The following NUBPL variants were observed in gnomAD, a reference collection of about 807,000 sequenced individuals.
The protein encoded by NUBPL is NUBP iron-sulfur cluster assembly factor, mitochondrial.
A neutral mutation model predicts 45.7 loss-of-function variants in NUBPL; 31 were observed. The observed-to-expected ratio is 0.68, with a 90% CI of 0.51 to 0.92. The LOEUF is 0.92. NUBPL is among the 40% of genes least tolerant of loss of function. The pLI is 0.00. For missense variants in NUBPL, 401 were observed against 398.7 expected (o/e 1.01, Z -0.05); for synonymous variants, 144 against 140.9 (o/e 1.02, Z -0.15).
At chr14:31,635,495 T>G (rs2035467440) in intron 4 of NUBPL, among the ~76,000 whole-genome samples, 1 of 152,158 alleles carries the variant, frequency 6.6e-6, no homozygotes, top group East Asian at 1.9e-4. Context: ...TACTGTAGCC[T>G]TGTAGTATAG....
chr14:31,689,532 G>GT (rs775934427), intron 6 of NUBPL, among the ~76,000 whole-genome samples: 23 of 151,766 alleles, frequency 1.5e-4, no homozygotes, highest in Non-Finnish European at 3.4e-4. Flanking sequence ...TTGTAAATTT[G>GT]TTTAAGTTCC....
intron 6 of NUBPL, among the ~76,000 whole-genome samples, chr14:31,777,595 G>T (rs933150799): frequency 2.0e-5 from 3 of 152,158 alleles, no homozygotes; most frequent in South Asian, 2.1e-4. Flanking sequence ...GACTTGTAGG[G>T]TGAAACACAG....
intron 4 of NUBPL, among the ~76,000 whole-genome samples, chr14:31,640,945 G>GT (rs1156246630): frequency 2.8e-4 from 34 of 121,086 alleles, no homozygotes; most frequent in African/African-American, 6.4e-4. Context: ...ATTTCTTTTT[G>GT]TTTTTTTGTT....
intron 6 of NUBPL, among the ~76,000 whole-genome samples, chr14:31,709,171 A>T (rs2037516743): frequency 6.6e-6 from 1 of 152,136 alleles, no homozygotes; most frequent in South Asian, 2.1e-4. Flanking sequence ...TTCTCCTGAT[A>T]TCTGTGGCTG....
At chr14:31,575,521 A>G (rs11626067) in intron 3 of NUBPL, among the ~76,000 whole-genome samples, 15,055 of 152,172 alleles carry the variant, frequency 0.099, 839 homozygotes, top group African/African-American at 0.14. Flanking sequence ...AGTTGTTCTT[A>G]TTAGCTCCGT....
intron 6 of NUBPL, among the ~76,000 whole-genome samples, chr14:31,735,097 C>T (rs1041924761): frequency 6.6e-6 from 1 of 152,168 alleles, no homozygotes; most frequent in African/African-American, 2.4e-5. Flanking sequence ...CTGTCCATAG[C>T]AGCCTTACTT....
chr14:31,799,679 A>G (rs1281235253), intron 7 of NUBPL, among the ~76,000 whole-genome samples: 1 of 152,240 alleles, frequency 6.6e-6, no homozygotes, highest in Non-Finnish European at 1.5e-5. Context: ...TAAATATTTT[A>G]TTGCTAAAAA....
intron 7 of NUBPL, among the ~76,000 whole-genome samples, chr14:31,820,160 G>T (rs960705449): frequency 7.5e-6 from 1 of 133,666 alleles, no homozygotes; most frequent in Non-Finnish European, 1.6e-5. Flanking sequence ...AAAAGAAAAA[G>T]AAAAAAATAT....
chr14:31,714,918 G>A (rs557927198), intron 6 of NUBPL: 3 of 152,258 alleles, frequency 2.0e-5, no homozygotes, highest in East Asian at 3.9e-4. Flanking sequence ...AACAACAAAC[G>A]AGAAATAAGT....
At chr14:31,718,570 T>C (rs1301376144) in intron 6 of NUBPL, among the ~76,000 whole-genome samples, 1 of 152,138 alleles carries the variant, frequency 6.6e-6, no homozygotes, top group African/African-American at 2.4e-5. Context: ...GTGATTAAAA[T>C]TGTAGTAAAA....
intron 2 of NUBPL, among the ~76,000 whole-genome samples, chr14:31,563,612 T>A (rs2033358482): frequency 6.6e-6 from 1 of 152,220 alleles, no homozygotes; most frequent in Admixed American, 6.5e-5. Flanking sequence ...TTTCTTTTCC[T>A]TATATGTATT....
intron 10 of NUBPL, among the ~76,000 whole-genome samples, chr14:31,851,201 T>G (rs1382490935): frequency 6.6e-6 from 1 of 152,024 alleles, no homozygotes; most frequent in African/African-American, 2.4e-5. Context: ...TGTTCCTTTG[T>G]TGAACAGCCC....
At chr14:31,611,074 A>G (rs988261827) in intron 4 of NUBPL, among the ~76,000 whole-genome samples, 6 of 152,210 alleles carry the variant, frequency 3.9e-5, no homozygotes, top group Non-Finnish European at 5.9e-5. Flanking sequence ...TGGAAGTCAT[A>G]GCTAGAGCAA....
chr14:31,624,709 C>A (rs7143323), intron 4 of NUBPL, among the ~76,000 whole-genome samples: 1 of 151,850 alleles, frequency 6.6e-6, no homozygotes, highest in Admixed American at 6.6e-5. Flanking sequence ...GGATTACAGG[C>A]GCCTGCCACC....
At chr14:31,832,096 T>C (rs2040202588) in intron 8 of NUBPL, among the ~76,000 whole-genome samples, 1 of 152,198 alleles carries the variant, frequency 6.6e-6, no homozygotes, top group Non-Finnish European at 1.5e-5. Context: ...CAAGTATAAA[T>C]ACACATATGT....
chr14:31,611,360 C>G lies in NUBPL; in HGVS notation c.382+11981C>G, dbSNP rs150282559. On this transcript the variant is annotated intron_variant, in intron 4 of 10. Transcript: ENST00000281081. ...ATAAAATTAAATACTTAGGAATTAA[C>G]CAAAAAAGCAAAATATGTCTATAAT... 6.5e-3 allele frequency among the ~76,000 whole-genome samples: 988 copies of G among 152,032 alleles called. 10 individuals carry two copies. The highest frequency in any genetic ancestry group is 0.022 in the African/African-American group (925 of 41,466).
intron 4 of NUBPL, among the ~76,000 whole-genome samples, chr14:31,610,682 C>A (rs1431915669): frequency 6.7e-6 from 1 of 149,894 alleles, no homozygotes; most frequent in African/African-American, 2.4e-5. Flanking sequence ...CATAAATCCT[C>A]AATAAAATAC....
intron 4 of NUBPL, among the ~76,000 whole-genome samples, chr14:31,641,805 G>A (rs1055713955): frequency 1.3e-4 from 20 of 152,152 alleles, no homozygotes; most frequent in Non-Finnish European, 2.6e-4. Context: ...CAACACTGTA[G>A]GAGGGTTTCC....
chr14:31,722,420 A>G (rs553018210), intron 6 of NUBPL, among the ~76,000 whole-genome samples: 8 of 152,130 alleles, frequency 5.3e-5, no homozygotes, highest in South Asian at 2.1e-4. Flanking sequence ...ATGTGTCTTT[A>G]TGGTAGAAAG....
Sources: gnomAD v4.1 joint callset for allele counts (sites outside exome capture counted in the v4.1 genomes callset) on GRCh38, gnomAD v4.1.1 for gene constraint, MANE v1.5 for transcripts, NCBI Gene and HGNC (gene_info 2026-07-23, HGNC 2026-07-21) for gene names.